PECAM1: variants seen among roughly 807,000 people sequenced by gnomAD.
The protein encoded by PECAM1 is platelet endothelial cell adhesion molecule.
Under a neutral mutation model 13.8 loss-of-function variants are expected in PECAM1, and 8 were observed. The ratio of observed to expected loss-of-function variants is 0.58; its 90% CI spans 0.34 to 1.05. The LOEUF is 1.05. PECAM1 is among the 50% of genes least tolerant of loss of function. PECAM1 has a pLI of 0.03. For missense variants in PECAM1, 304 were observed against 141.2 expected (o/e 2.15, Z -5.84); for synonymous variants, 136 against 52.6 (o/e 2.58, Z -6.86).
At chr17:64,389,920 C>T (rs1194786571) in intron 2 of PECAM1, among the ~76,000 whole-genome samples, 5 of 152,018 alleles carry the variant, frequency 3.3e-5, no homozygotes, top group Non-Finnish European at 5.9e-5. Flanking sequence ...TGGTGGCATG[C>T]GCCTCTAATT....
chr17:64,369,567 A>G (rs933806843), intron 5 of PECAM1, among the ~76,000 whole-genome samples, 183 bp downstream of exon 5: 1 of 152,188 alleles, frequency 6.6e-6, no homozygotes, highest in African/African-American at 2.4e-5. Flanking sequence ...CAACACGCAC[A>G]GTAGACTGTT....
intron 2 of PECAM1, among the ~76,000 whole-genome samples, chr17:64,383,336 G>A (rs890923575): frequency 0.055 from 8,323 of 152,204 alleles, 763 homozygotes; most frequent in African/African-American, 0.19. Context: ...CTCTGCCTAC[G>A]AAGTAGGAAC....
chr17:64,380,019 T>C (rs2036446950), intron 2 of PECAM1, among the ~76,000 whole-genome samples: 1 of 143,500 alleles, frequency 7.0e-6, no homozygotes, highest in African/African-American at 2.6e-5. Context: ...AGTGAGATCC[T>C]GTCTCAAAAA....
chr17:64,348,425 T>G (rs2035635394), intron 12 of PECAM1, 103 bp from the exon 13 acceptor site: 2 of 357,484 alleles, frequency 5.6e-6, no homozygotes, highest in Non-Finnish European at 1.0e-5. Flanking sequence ...TTTTTTTTTT[T>G]GAGACAGAGT....
intron 2 of PECAM1, among the ~76,000 whole-genome samples, chr17:64,388,271 G>A (rs1341175252): frequency 6.6e-6 from 1 of 152,164 alleles, no homozygotes; most frequent in Non-Finnish European, 1.5e-5. Flanking sequence ...GTGAGTGTCT[G>A]CAGGGCAGGG....
chr17:64,373,564 G>A (rs2143860197), intron 4 of PECAM1, among the ~76,000 whole-genome samples: 1 of 151,836 alleles, frequency 6.6e-6, no homozygotes, highest in African/African-American at 2.4e-5. Flanking sequence ...GGCTGGGTGT[G>A]TATATGATAT....
chr17:64,363,883 G>C (rs2036042767), intron 5 of PECAM1, among the ~76,000 whole-genome samples: 1 of 152,140 alleles, frequency 6.6e-6, no homozygotes, highest in Non-Finnish European at 1.5e-5. Flanking sequence ...GACAGAGATT[G>C]CAGTGAGCCG....
intron 2 of PECAM1, among the ~76,000 whole-genome samples, chr17:64,385,200 A>C (rs1392939795): frequency 1.3e-5 from 2 of 152,142 alleles, no homozygotes; most frequent in African/African-American, 2.4e-5. Flanking sequence ...CAACCCGGGG[A>C]GATGAAGGTT....
intron 4 of PECAM1, among the ~76,000 whole-genome samples, chr17:64,371,834 A>C (rs979413897): frequency 6.6e-6 from 1 of 152,232 alleles, no homozygotes; most frequent in Admixed American, 6.5e-5. Flanking sequence ...CATCTCAAAA[A>C]TAAATAAATA....
intron 13 of PECAM1, among the ~76,000 whole-genome samples, chr17:64,346,676 T>C (rs1284228514): frequency 3.3e-5 from 5 of 152,042 alleles, no homozygotes; most frequent in African/African-American, 1.2e-4. Context: ...ACAAACGAGA[T>C]TGATGTTCTA....
rs1018737259 is a variant in PECAM1 at position 64,341,433 on chromosome 17, C to T, written c.2164+201G>A. Among the ~76,000 whole-genome samples, 9 of 152,226 alleles carry T rather than the reference C, an allele frequency of 5.9e-5. No homozygotes were observed. In the East Asian group the frequency reaches 1.4e-3, roughly 23 times the overall value. ...GGTCAGTAAGCATTCAAGAAGCGCT[C>T]GTTGACTACATGAATAGTAAATGTG... is the stretch of plus-strand genomic sequence containing the variant. On this transcript the variant is annotated intron_variant, in intron 14 of 15. Coordinates refer to ENST00000563924, the MANE Select transcript of PECAM1 (RefSeq NM_000442.5).
intron 14 of PECAM1, among the ~76,000 whole-genome samples, chr17:64,331,353 T>G (rs2035113251): frequency 6.6e-6 from 1 of 152,128 alleles, no homozygotes; most frequent in Admixed American, 6.6e-5. Context: ...AGCCGGGTAA[T>G]TTTTGTATTT....
chr17:64,372,969 C>T (rs944561636), intron 4 of PECAM1, among the ~76,000 whole-genome samples: 67 of 151,182 alleles, frequency 4.4e-4, no homozygotes, highest in African/African-American at 1.4e-3. Flanking sequence ...ACAAAATTAG[C>T]CAGGCGTGGT....
In PECAM1 at chr17:64,323,486, T is replaced by A. The variant is rs561728374; in HGVS notation, c.*330A>T. The A allele has an allele frequency of 8.6e-6, 11 of 1,283,002 alleles. No individual in the cohort carries two copies. In the South Asian group the frequency reaches 1.8e-4, roughly 21 times the overall value. The allele number at this position is 1,283,002 out of a possible 1,614,324, so 79.5% of individuals were successfully genotyped here. On this transcript the variant is annotated 3_prime_UTR_variant, in exon 16 of 16. Coordinates refer to ENST00000563924, the MANE Select transcript of PECAM1 (RefSeq NM_000442.5). ...TGAGGGTGCATGGAAAAGGTCTTTA[T>A]CTCTGCACAAAACAAAATATTCAAG...
intron 7 of PECAM1, among the ~76,000 whole-genome samples, chr17:64,358,052 G>A (rs967254057): frequency 6.0e-5 from 9 of 149,402 alleles, no homozygotes; most frequent in East Asian, 2.0e-4. Context: ...GCTCATATCC[G>A]GTGATTCTCC....
chr17:64,348,320 G>T lies in PECAM1; in HGVS notation c.2047C>A (p.Pro683Thr). The T allele has an allele frequency of 8.4e-6, 4 of 475,230 alleles. No individual in the cohort carries two copies. The highest frequency in any genetic ancestry group is 1.2e-5 in the Non-Finnish European group (3 of 259,034). 29.4% of individuals were successfully genotyped at this position (475,230 alleles called of 1,614,324 possible). Reference sequence around the variant, plus strand: ...GTGTACTGCACGTCTGAGTTCAGAGGCTCTGCTCAAAGAAACCACAGCAGC... The same window carrying T: ...GTGTACTGCACGTCTGAGTTCAGAGTCTCTGCTCAAAGAAACCACAGCAGC... The part of the protein sequence containing the change: ...AMKPINDNKE[P>T]LNSDVQYTEV... The change falls in exon 13 of 16, where the codon CCT (proline) becomes ACT (threonine). Residue 683 changes from proline (P) to threonine (T), a missense_variant and splice_region_variant. Coordinates refer to ENST00000563924, the MANE Select transcript of PECAM1 (RefSeq NM_000442.5).
chr17:64,322,172 G>C lies in PECAM1; in HGVS notation c.*1644C>G. 1 of 773,534 alleles carries C rather than the reference G, an allele frequency of 1.3e-6. No individual in the cohort carries two copies. Among genetic ancestry groups the C allele is most frequent in the Non-Finnish European group, 1.6e-6 (1 of 630,610 alleles). The allele number at this position is 773,534 out of a possible 1,614,324, so 47.9% of individuals were successfully genotyped here. ...AGGACAAGGCGGGCAGATCACCAAA[G>C]GTCAGGCATTCGAGATCAGCCTGGC... is the stretch of plus-strand genomic sequence containing the variant. On this transcript the variant is annotated 3_prime_UTR_variant, in exon 16 of 16. Transcript: ENST00000563924.
intron 13 of PECAM1, among the ~76,000 whole-genome samples, chr17:64,344,596 A>T (rs1453880257): frequency 6.6e-6 from 1 of 151,768 alleles, no homozygotes; most frequent in Non-Finnish European, 1.5e-5. Flanking sequence ...CCTCCTCCAT[A>T]GGAGGAGGAA....
At chr17:64,353,342 A>ACACACACAC (rs2035776107) in intron 10 of PECAM1, 149 bp downstream of exon 10, 2 of 377,582 alleles carry the variant, frequency 5.3e-6, no homozygotes, top group African/African-American at 5.2e-5. Flanking sequence ...CACACACACA[A>ACACACACAC]CTCACACACA....
Sources: allele counts gnomAD v4.1 joint callset (sites outside exome capture counted in the v4.1 genomes callset), GRCh38; gene constraint gnomAD v4.1.1; transcripts MANE v1.5; gene names NCBI Gene and HGNC (gene_info 2026-07-23, HGNC 2026-07-21).